The following COMMD10 variants were observed in gnomAD, a reference collection of about 807,000 sequenced individuals.
COMMD10 encodes the protein COMM domain containing 10.
A neutral mutation model predicts 28.9 loss-of-function variants in COMMD10; 33 were observed. The ratio of observed to expected loss-of-function variants is 1.14; its 90% CI spans 0.87 to 1.53. The LOEUF (loss-of-function observed/expected upper bound fraction) is 1.53. Among genes scored for constraint, COMMD10 ranks in the 40% most tolerant of loss-of-function variants. COMMD10 has a pLI of 0.00. For synonymous variants in COMMD10, 110 were observed against 81.7 expected, an observed-to-expected ratio of 1.35 and a Z score of -1.87; for missense variants, 310 against 233.4, an observed-to-expected ratio of 1.33 and a Z score of -2.14.
chr5:116,236,506 A>G (rs961469605), intron 5 of COMMD10, among the ~76,000 whole-genome samples: 1 of 88,958 alleles, frequency 1.1e-5, no homozygotes, highest in Non-Finnish European at 2.2e-5. Flanking sequence ...CTCCGTCTCA[A>G]AAAAAAAAAA....
intron 5 of COMMD10, among the ~76,000 whole-genome samples, chr5:116,225,409 G>A (rs1749369191): frequency 7.5e-6 from 1 of 133,352 alleles, no homozygotes; most frequent in Non-Finnish European, 1.6e-5. Flanking sequence ...CTAGACATTG[G>A]GAAACATATG....
intron 4 of COMMD10, among the ~76,000 whole-genome samples, chr5:116,115,001 C>T (rs912361527): frequency 1.3e-4 from 20 of 152,264 alleles, no homozygotes; most frequent in African/African-American, 4.8e-4. Flanking sequence ...ATTTCCTACA[C>T]AGGCCCCAGT....
chr5:116,284,275 C>G (rs1380080771), intron 5 of COMMD10, among the ~76,000 whole-genome samples: 1 of 151,718 alleles, frequency 6.6e-6, no homozygotes, highest in Non-Finnish European at 1.5e-5. Flanking sequence ...AACTTTTATG[C>G]TAAAGACAGC....
chr5:116,273,244 G>A (rs1442155088), intron 5 of COMMD10, among the ~76,000 whole-genome samples: 1 of 151,788 alleles, frequency 6.6e-6, no homozygotes, highest in African/African-American at 2.4e-5. Context: ...TCCATGCATA[G>A]TTTTTTCATA....
Position 116,175,614 on chromosome 5 carries a change from G to A in COMMD10, c.510+41436G>A, listed in dbSNP as rs551016061. ...AATTCACAATAGCCAAAAGGTGGAG[G>A]CAACCCAAGTATTTATTTGGCAGAT... On this transcript the variant is annotated intron_variant, in intron 5 of 6. Transcript: ENST00000274458. Among the ~76,000 whole-genome samples, 3 of 28,126 alleles carry A rather than the reference G, an allele frequency of 1.1e-4. No individual in the cohort carries two copies. The South Asian group carries it at 5.5e-3, about 52-fold the overall frequency. 18.5% of individuals were successfully genotyped at this position (28,126 alleles called of 152,430 possible). A position where few individuals can be genotyped will look rare whatever the true frequency, so the allele number is the denominator to read the frequency against.
chr5:116,136,204 A>G (rs543807531), intron 5 of COMMD10, among the ~76,000 whole-genome samples: 3 of 152,110 alleles, frequency 2.0e-5, no homozygotes, highest in South Asian at 2.1e-4. Context: ...TATTTTTCAC[A>G]TGTATCCTTA....
intron 5 of COMMD10, among the ~76,000 whole-genome samples, chr5:116,254,299 C>T (rs1011299254): frequency 2.0e-5 from 3 of 152,102 alleles, no homozygotes; most frequent in African/African-American, 7.2e-5. Context: ...GTATTTCCTT[C>T]AGTTCTGCTC....
chr5:116,139,696 A>G (rs1291743512), intron 5 of COMMD10, among the ~76,000 whole-genome samples: 4 of 151,738 alleles, frequency 2.6e-5, no homozygotes, highest in Non-Finnish European at 5.9e-5. Context: ...GAGATAATTC[A>G]ACTGATAGGA....
intron 5 of COMMD10, among the ~76,000 whole-genome samples, chr5:116,285,114 A>G (rs1415168848): frequency 2.0e-5 from 3 of 152,012 alleles, no homozygotes; most frequent in East Asian, 3.9e-4. Context: ...TAAAAATGCA[A>G]TGACTCCAGG....
chr5:116,287,230 C>G (rs1314181817), intron 5 of COMMD10, among the ~76,000 whole-genome samples: 1 of 151,618 alleles, frequency 6.6e-6, no homozygotes, highest in East Asian at 1.9e-4. Flanking sequence ...ACATTGAGAA[C>G]TTACTGTATT....
chr5:116,166,698 A>G (rs1753110871), intron 5 of COMMD10, among the ~76,000 whole-genome samples: 1 of 152,172 alleles, frequency 6.6e-6, no homozygotes, highest in Admixed American at 6.5e-5. Flanking sequence ...TACCCAGGCA[A>G]ACAGGGTCTG....
intron 5 of COMMD10, among the ~76,000 whole-genome samples, chr5:116,267,431 G>T (rs1361722588): frequency 6.6e-6 from 1 of 151,812 alleles, no homozygotes; most frequent in African/African-American, 2.4e-5. Context: ...ACAAACCACT[G>T]CTCAACGAAA....
At chr5:116,234,339 G>A (rs186710572) in intron 5 of COMMD10, among the ~76,000 whole-genome samples, 10 of 152,214 alleles carry the variant, frequency 6.6e-5, no homozygotes, top group African/African-American at 2.2e-4. Context: ...TCTGGCAATC[G>A]AAAGCTGCCT....
chr5:116,089,383 T>G (rs964862329), intron 2 of COMMD10, among the ~76,000 whole-genome samples: 1 of 152,208 alleles, frequency 6.6e-6, no homozygotes, highest in African/African-American at 2.4e-5. Flanking sequence ...GGAAAGAGTA[T>G]GGAACATTTC....
In COMMD10 at chr5:116,217,888, G is replaced by A; in HGVS notation, c.511-73629G>A. 4.9e-6 allele frequency: 3 copies of A among 606,644 alleles called. No individual in the cohort carries two copies. The South Asian group carries it at 5.7e-5, about 11-fold the overall frequency. The allele number at this position is 606,644 out of a possible 1,614,324, so 37.6% of individuals were successfully genotyped here. Reference sequence around the variant, plus strand: ...CCCTTCCCCACAAAACAACAATGAAGTGTTCTGTGTGCTAACAGCATAGCT... The same window carrying A: ...CCCTTCCCCACAAAACAACAATGAAATGTTCTGTGTGCTAACAGCATAGCT... On this transcript the variant is annotated intron_variant, in intron 5 of 6. Transcript: ENST00000274458.
At chr5:116,098,840 A>G (rs909873440) in intron 4 of COMMD10, among the ~76,000 whole-genome samples, 1 of 151,920 alleles carries the variant, frequency 6.6e-6, no homozygotes, top group Non-Finnish European at 1.5e-5. Flanking sequence ...TAATTGATAA[A>G]CAAAAATTAT....
In COMMD10 at chr5:116,292,458, C is replaced by G. The variant is rs752983046; in HGVS notation, c.578C>G (p.Thr193Ser). 1.4e-5 allele frequency: 22 copies of G among 1,546,478 alleles called. No homozygotes were observed. The highest frequency in any genetic ancestry group is 2.8e-5 in the African/African-American group (2 of 72,544). Residue 193 changes from threonine to serine, a missense_variant, in exon 7 of 7, where the codon ACT (threonine) becomes AGT (serine). Transcript: ENST00000274458. ...TTTTGTCTTTGTAAATAGCTAGAGA[C>G]TATACAAGCACAGCTGGATTCCCTT... ...ELFDFYNKLE[T>S]IQAQLDSLT
chr5:116,137,095 A>G (rs908635862), intron 5 of COMMD10, among the ~76,000 whole-genome samples: 4 of 152,052 alleles, frequency 2.6e-5, no homozygotes, highest in East Asian at 3.9e-4. Context: ...CTTTTCCTCA[A>G]TGAACTGCTG....
At chr5:116,220,286 T>G (rs992639838) in intron 5 of COMMD10, among the ~76,000 whole-genome samples, 1 of 152,236 alleles carries the variant, frequency 6.6e-6, no homozygotes, top group African/African-American at 2.4e-5. Context: ...CTCATTCATG[T>G]TCTTCAGGAG....
Sources: allele counts gnomAD v4.1 joint callset (sites outside exome capture counted in the v4.1 genomes callset), GRCh38; gene constraint gnomAD v4.1.1; transcripts MANE v1.5; gene names NCBI Gene and HGNC (gene_info 2026-07-23, HGNC 2026-07-21).